The following NRXN3 variants were observed in gnomAD, a reference collection of about 807,000 sequenced individuals.
The protein encoded by NRXN3 is neurexin III.
A neutral mutation model predicts 137.6 loss-of-function variants in NRXN3; 32 were observed. The ratio of observed to expected loss-of-function variants is 0.23; its 90% CI spans 0.18 to 0.31. The LOEUF (loss-of-function observed/expected upper bound fraction) is 0.31, where lower values mean the gene tolerates loss of function less well. Among genes scored for constraint, NRXN3 ranks in the 10% least tolerant of loss-of-function variants. NRXN3 has a pLI of 1.00. For missense variants in NRXN3, 1,574 were observed against 2,062.5 expected (o/e 0.76, Z 4.59); for synonymous variants, 798 against 784.5 (o/e 1.02, Z -0.29).
intron 11 of NRXN3, among the ~76,000 whole-genome samples, chr14:78,959,893 C>A (rs1445158757): frequency 1.3e-5 from 2 of 152,088 alleles, no homozygotes; most frequent in African/African-American, 4.8e-5. Context: ...AGATGGCGAC[C>A]TCACCCTGAT....
rs1446257690 is a variant in NRXN3, at chr14:78,242,446, AC to A, written c.-646del. 6.6e-6 allele frequency: 1 copy of A among 152,314 alleles called. No homozygotes were observed. Among genetic ancestry groups the A allele is most frequent in the Non-Finnish European group, 1.5e-5 (1 of 68,154 alleles). 9.4% of individuals were successfully genotyped at this position (152,314 alleles called of 1,614,324 possible). ...TATGGGCAGCACTGCTTCTGGCCGC[AC>A]CATGAAGCCTGAGTCTGCTTGCGCT... is the stretch of plus-strand genomic sequence containing the variant. On this transcript the variant is annotated 5_prime_UTR_variant, in exon 2 of 21. An upstream open reading frame in the 5' UTR gains an earlier in-frame stop. Transcript: ENST00000335750.
chr14:79,731,360 A>T (rs2098921869), intron 19 of NRXN3, among the ~76,000 whole-genome samples: 2 of 152,210 alleles, frequency 1.3e-5, no homozygotes, highest in South Asian at 4.1e-4. Flanking sequence ...ATTCCCTCAG[A>T]TATTTTATTT....
chr14:78,912,094 C>A (rs548722408), intron 10 of NRXN3, among the ~76,000 whole-genome samples: 1 of 151,394 alleles, frequency 6.6e-6, no homozygotes, highest in South Asian at 2.1e-4. Flanking sequence ...CAACAGTCCC[C>A]GGTGTGTGAT....
chr14:79,691,459 C>T (rs1209127496), intron 17 of NRXN3, among the ~76,000 whole-genome samples: 1 of 151,978 alleles, frequency 6.6e-6, no homozygotes, highest in Non-Finnish European at 1.5e-5. Context: ...TGTTGTACCA[C>T]TATATTATAA....
intron 10 of NRXN3, among the ~76,000 whole-genome samples, chr14:78,880,036 G>T (rs1246651887): frequency 2.1e-5 from 3 of 141,314 alleles, no homozygotes; most frequent in Non-Finnish European, 4.4e-5. Flanking sequence ...TCAGGAGATC[G>T]AGACCATCCC....
chr14:78,383,485 T>A (rs80324843), intron 4 of NRXN3, among the ~76,000 whole-genome samples: 1,992 of 152,276 alleles, frequency 0.013, 47 homozygotes, highest in African/African-American at 0.046. Flanking sequence ...ATTATATCTA[T>A]TTATCTACCT....
chr14:78,772,891 C>A (rs2098732894), intron 8 of NRXN3, among the ~76,000 whole-genome samples: 1 of 152,102 alleles, frequency 6.6e-6, no homozygotes, highest in Admixed American at 6.5e-5. Context: ...AACTTCTACC[C>A]CTAAACATTC....
intron 15 of NRXN3, among the ~76,000 whole-genome samples, chr14:79,122,185 G>A (rs2055561438): frequency 6.6e-6 from 1 of 152,196 alleles, no homozygotes; most frequent in Non-Finnish European, 1.5e-5. Flanking sequence ...AAATTCCTCT[G>A]TGGTTGTTAA....
chr14:79,455,069 C>G (rs1427255619), intron 15 of NRXN3, among the ~76,000 whole-genome samples: 1 of 152,150 alleles, frequency 6.6e-6, no homozygotes, highest in African/African-American at 2.4e-5. Context: ...ATTTCTTAGT[C>G]TGTTTGGGCC....
At chr14:78,940,856 CT>C (rs140061451) in intron 10 of NRXN3, among the ~76,000 whole-genome samples, 3,025 of 152,216 alleles carry the variant, frequency 0.02, 97 homozygotes, top group African/African-American at 0.069. Context: ...GTGTATCAAG[CT>C]GTGAATTAGA....
At chr14:78,925,900 G>C (rs220105) in intron 10 of NRXN3, among the ~76,000 whole-genome samples, 1 of 151,974 alleles carries the variant, frequency 6.6e-6, no homozygotes, top group Admixed American at 6.6e-5. Context: ...AACAATAGTC[G>C]CCCATTGTAG....
chr14:79,584,343 G>A (rs1423534664), intron 16 of NRXN3, among the ~76,000 whole-genome samples: 1 of 152,170 alleles, frequency 6.6e-6, no homozygotes, highest in African/African-American at 2.4e-5. Context: ...GAGTATCCCA[G>A]AGATTGGTTC....
At chr14:79,068,096 A>C (rs898251067) in intron 15 of NRXN3, among the ~76,000 whole-genome samples, 1 of 151,972 alleles carries the variant, frequency 6.6e-6, no homozygotes, top group Admixed American at 6.6e-5. Flanking sequence ...ACCTGGAAAA[A>C]TATCTGTGGA....
At chr14:78,443,364 C>T (rs972324728) in intron 4 of NRXN3, among the ~76,000 whole-genome samples, 2 of 152,222 alleles carry the variant, frequency 1.3e-5, no homozygotes, top group Admixed American at 6.5e-5. Flanking sequence ...GGCATGTACA[C>T]ACATGCACTG....
At chr14:79,836,401 G>C (rs889525541) in intron 20 of NRXN3, among the ~76,000 whole-genome samples, 3 of 152,106 alleles carry the variant, frequency 2.0e-5, no homozygotes. Flanking sequence ...TTAAAACCAA[G>C]AGCAGGAAAT....
At chr14:78,380,798 T>C (rs1429138486) in intron 4 of NRXN3, among the ~76,000 whole-genome samples, 1 of 152,146 alleles carries the variant, frequency 6.6e-6, no homozygotes, top group Non-Finnish European at 1.5e-5. Flanking sequence ...AAGTTTTTTT[T>C]TTTTTTTTTA....
chr14:79,314,156 G>T (rs2087762817), intron 15 of NRXN3: 1 of 149,156 alleles, frequency 6.7e-6, no homozygotes, highest in Admixed American at 6.7e-5. Context: ...TGAGGTACCG[G>T]GTTCATCTCA....
intron 15 of NRXN3, among the ~76,000 whole-genome samples, chr14:79,361,440 A>C (rs1185258679): frequency 6.6e-6 from 1 of 152,086 alleles, no homozygotes; most frequent in Non-Finnish European, 1.5e-5. Flanking sequence ...TTATCTGCTG[A>C]GTGCGGTGGC....
intron 4 of NRXN3, among the ~76,000 whole-genome samples, chr14:78,389,049 TAA>T (rs908637200): frequency 4.3e-5 from 5 of 115,948 alleles, no homozygotes; most frequent in African/African-American, 1.7e-4. Context: ...TAAAAATGTT[TAA>T]GTTTCTTTTT....
Sources: allele counts gnomAD v4.1 joint callset (sites outside exome capture counted in the v4.1 genomes callset), GRCh38; gene constraint gnomAD v4.1.1; transcripts MANE v1.5; gene names NCBI Gene and HGNC (gene_info 2026-07-23, HGNC 2026-07-21).